AFG1L: variants seen among roughly 807,000 people sequenced by gnomAD.
AFG1L encodes the protein AFG1 like ATPase.
Under a neutral mutation model 62.2 loss-of-function variants are expected in AFG1L, and 53 were observed. That is an observed-to-expected ratio of 0.85 (90% confidence interval 0.68 to 1.07). The LOEUF (loss-of-function observed/expected upper bound fraction) is 1.07, where lower values mean the gene tolerates loss of function less well. Ranked by LOEUF, AFG1L falls within the 50% of genes least tolerant of loss-of-function variation. The pLI, the probability that AFG1L is intolerant of heterozygous loss-of-function variation, is 0.00. For missense variants in AFG1L, 555 were observed against 590.5 expected (o/e 0.94, Z 0.62); for synonymous variants, 228 against 210.3 (o/e 1.08, Z -0.73).
intron 6 of AFG1L, among the ~76,000 whole-genome samples, chr6:108,373,372 A>G (rs749892175): frequency 5.9e-5 from 9 of 152,040 alleles, no homozygotes; most frequent in Non-Finnish European, 1.2e-4. Context: ...ACATGATTTC[A>G]TTCTTTTTAT....
intron 7 of AFG1L, among the ~76,000 whole-genome samples, chr6:108,425,625 AAT>A (rs995597527): frequency 6.6e-6 from 1 of 151,986 alleles, no homozygotes; most frequent in Non-Finnish European, 1.5e-5. Context: ...CATGTTGCAC[AAT>A]ATGTGTGTGT....
intron 10 of AFG1L, among the ~76,000 whole-genome samples, chr6:108,491,021 A>C (rs1242216034): frequency 2.0e-5 from 3 of 152,224 alleles, no homozygotes; most frequent in Non-Finnish European, 4.4e-5. Context: ...TTTAAGCAGA[A>C]ATAGAATAAT....
At chr6:108,420,103 C>T (rs1423354305) in intron 7 of AFG1L, among the ~76,000 whole-genome samples, 2 of 152,136 alleles carry the variant, frequency 1.3e-5, no homozygotes, top group Non-Finnish European at 2.9e-5. Flanking sequence ...CAGTGTCAGT[C>T]AGCCTCTATG....
chr6:108,446,421 G>A (rs1460112938), intron 7 of AFG1L, among the ~76,000 whole-genome samples: 1 of 151,504 alleles, frequency 6.6e-6, no homozygotes, highest in East Asian at 1.9e-4. Context: ...GCATACCTAC[G>A]ACATCATTCT....
chr6:108,348,180 G>A (rs775091180), intron 3 of AFG1L, among the ~76,000 whole-genome samples: 6 of 152,026 alleles, frequency 3.9e-5, no homozygotes, highest in Non-Finnish European at 8.8e-5. Flanking sequence ...CCGGGTTCAC[G>A]CCATTCTCCT....
intron 8 of AFG1L, among the ~76,000 whole-genome samples, chr6:108,450,513 G>T (rs1340730551): frequency 2.0e-5 from 3 of 152,104 alleles, no homozygotes; most frequent in Non-Finnish European, 4.4e-5. Context: ...TTTGTCAGAT[G>T]AGTAGATTGC....
At chr6:108,477,125 A>G in intron 9 of AFG1L, 67 bp from the exon 10 acceptor site, 8 of 1,123,134 alleles carry the variant, frequency 7.1e-6, no homozygotes, top group South Asian at 2.9e-5. Context: ...TGCATTTCCT[A>G]TCTGTAAGAG....
intron 10 of AFG1L, among the ~76,000 whole-genome samples, chr6:108,502,387 T>C (rs534770762): frequency 1.1e-4 from 17 of 152,280 alleles, no homozygotes; most frequent in African/African-American, 3.4e-4. Context: ...GTATTTTTAG[T>C]AGAGATGGTG....
intron 8 of AFG1L, 127 bp downstream of exon 8, chr6:108,447,423 T>A (rs903593311): frequency 1.1e-5 from 6 of 568,780 alleles, no homozygotes; most frequent in African/African-American, 5.7e-5. Context: ...AAATTGCAAA[T>A]GTTCTCATGT....
At chr6:108,303,262 G>A (rs1211274837) in intron 1 of AFG1L, among the ~76,000 whole-genome samples, 2 of 152,042 alleles carry the variant, frequency 1.3e-5, no homozygotes, top group South Asian at 4.2e-4. Context: ...GCTTTCCCTG[G>A]TCTGGAACTC....
At chr6:108,377,720 G>A (rs1273055588) in intron 6 of AFG1L, among the ~76,000 whole-genome samples, 1 of 151,404 alleles carries the variant, frequency 6.6e-6, no homozygotes, top group Admixed American at 6.6e-5. Flanking sequence ...GACTATATAT[G>A]TCTTGGTGAT....
intron 10 of AFG1L, among the ~76,000 whole-genome samples, chr6:108,479,766 A>G (rs1406996560): frequency 6.6e-6 from 1 of 152,186 alleles, no homozygotes; most frequent in African/African-American, 2.4e-5. Flanking sequence ...ATCCAACCTA[A>G]GGTAAAGAAG....
chr6:108,513,248 G>A (rs572510985), intron 11 of AFG1L, among the ~76,000 whole-genome samples: 2 of 152,340 alleles, frequency 1.3e-5, no homozygotes, highest in South Asian at 4.1e-4. Flanking sequence ...TCTCACTGGG[G>A]ATTGTCAGAC....
At chr6:108,473,682 C>T (rs1459665995) in intron 8 of AFG1L, among the ~76,000 whole-genome samples, 9 of 152,108 alleles carry the variant, frequency 5.9e-5, no homozygotes, top group Non-Finnish European at 1.2e-4. Flanking sequence ...CTCAGCCTTC[C>T]GAGTAGCTGG....
At chr6:108,316,450 A>G (rs1234987960) in intron 1 of AFG1L, among the ~76,000 whole-genome samples, 1 of 151,184 alleles carries the variant, frequency 6.6e-6, no homozygotes, top group Non-Finnish European at 1.5e-5. Flanking sequence ...CAGATTAAAC[A>G]TACTCACACA....
At chr6:108,512,849 CA>C (rs1191028218) in intron 11 of AFG1L, among the ~76,000 whole-genome samples, 1 of 152,024 alleles carries the variant, frequency 6.6e-6, no homozygotes, top group African/African-American at 2.4e-5. Context: ...CATTTTATTT[CA>C]AAAATTGGTA....
chr6:108,408,688 G>T (rs1455289603), intron 7 of AFG1L, among the ~76,000 whole-genome samples: 1 of 152,102 alleles, frequency 6.6e-6, no homozygotes, highest in Non-Finnish European at 1.5e-5. Context: ...GGTATCAGCT[G>T]GTTCACATGT....
rs113255499 is a variant in AFG1L, at chr6:108,297,368, A to G, written c.139+2150A>G. 4.8e-4 allele frequency among the ~76,000 whole-genome samples: 73 copies of G among 152,072 alleles called. 1 individual carries two copies. Among genetic ancestry groups the G allele is most frequent in the African/African-American group, 1.6e-3 (68 of 41,514 alleles). ...GGTGATCCGGAGCCTCGGCCCCCCA[A>G]AATGCTGGGATTACAGGCGTGAGCC... On this transcript the variant is annotated intron_variant, in intron 1 of 12. Coordinates refer to ENST00000368977, the MANE Select transcript of AFG1L (RefSeq NM_145315.5).
At chr6:108,396,903 A>G (rs1582512326) in intron 6 of AFG1L, among the ~76,000 whole-genome samples, 1 of 152,214 alleles carries the variant, frequency 6.6e-6, no homozygotes, top group African/African-American at 2.4e-5. Flanking sequence ...TCAAGCACGT[A>G]TCCTTTGTAT....
Sources: gnomAD v4.1 joint callset for allele counts (sites outside exome capture counted in the v4.1 genomes callset) on GRCh38, gnomAD v4.1.1 for gene constraint, MANE v1.5 for transcripts, NCBI Gene and HGNC (gene_info 2026-07-23, HGNC 2026-07-21) for gene names.